BTBD9: variants seen among roughly 807,000 people sequenced by gnomAD.
BTBD9 encodes BTB domain containing 9.
In BTBD9, 49 loss-of-function variants were observed where a neutral mutation model predicts 64.3. The observed-to-expected ratio is 0.76, with a 90% CI of 0.61 to 0.97. The LOEUF is 0.97. Ranked by LOEUF, BTBD9 falls within the 50% of genes least tolerant of loss-of-function variation. The pLI, the probability that BTBD9 is intolerant of heterozygous loss-of-function variation, is 0.00. For synonymous variants in BTBD9, 260 were observed against 274.7 expected, an observed-to-expected ratio of 0.95 and a Z score of 0.53; for missense variants, 598 against 762.1, an observed-to-expected ratio of 0.78 and a Z score of 2.53.
chr6:38,328,738 G>A (rs573546948), intron 7 of BTBD9, among the ~76,000 whole-genome samples: 16 of 152,078 alleles, frequency 1.1e-4, no homozygotes, highest in African/African-American at 3.6e-4. Flanking sequence ...CCGAGGTCAC[G>A]AGATCGAGAA....
At position 38,220,229 on chromosome 6, in the gene BTBD9, C is replaced by G. The variant is rs143381269; in HGVS notation, c.1563-27632G>C. Among the ~76,000 whole-genome samples the G allele has an allele frequency of 2.6e-5, 4 of 152,346 alleles. No homozygotes were observed. The East Asian group carries it at 5.8e-4, about 22-fold the overall frequency. The stretch of plus-strand genomic sequence containing the variant: ...CCCCACCTTCCTCAGCACTGTGGGT[C>G]TGCAATACTGACGTTCACTAGTCCC... On this transcript the variant is annotated intron_variant, in intron 9 of 10. Coordinates refer to ENST00000481247, the MANE Select transcript of BTBD9 (RefSeq NM_001099272.2).
chr6:38,473,834 T>A (rs1296976884), intron 6 of BTBD9, among the ~76,000 whole-genome samples: 2 of 152,100 alleles, frequency 1.3e-5, no homozygotes, highest in Admixed American at 6.5e-5. Context: ...GTGATGGTAG[T>A]CAAAAAGGCT....
intron 6 of BTBD9, among the ~76,000 whole-genome samples, chr6:38,433,684 T>C (rs1221683496): frequency 1.3e-5 from 2 of 152,066 alleles, no homozygotes; most frequent in Non-Finnish European, 2.9e-5. Context: ...AACAGCCTTG[T>C]TGCTCACACA....
chr6:38,477,583 T>C (rs1002051693), intron 6 of BTBD9, among the ~76,000 whole-genome samples: 1 of 152,252 alleles, frequency 6.6e-6, no homozygotes. Context: ...AGACCTACTT[T>C]ATTGCCAATT....
chr6:38,434,126 T>C (rs75192190), intron 6 of BTBD9, among the ~76,000 whole-genome samples: 5,468 of 152,100 alleles, frequency 0.036, 237 homozygotes, highest in East Asian at 0.13. Flanking sequence ...CCAAGTTTCT[T>C]TGCCATATTC....
intron 7 of BTBD9, among the ~76,000 whole-genome samples, chr6:38,309,171 A>C (rs1582205814): frequency 6.6e-6 from 1 of 151,366 alleles, no homozygotes. Flanking sequence ...GGAGTTCGAG[A>C]CCAGCCTGGC....
At chr6:38,423,852 G>A (rs992118481) in intron 6 of BTBD9, among the ~76,000 whole-genome samples, 4 of 150,028 alleles carry the variant, frequency 2.7e-5, no homozygotes, top group Admixed American at 2.0e-4. Context: ...CAGTCTTGGT[G>A]GTCTAAGATG....
chr6:38,330,283 C>A (rs1420625092), intron 7 of BTBD9, among the ~76,000 whole-genome samples: 1 of 152,156 alleles, frequency 6.6e-6, no homozygotes, highest in Non-Finnish European at 1.5e-5. Flanking sequence ...GAACTCCTGA[C>A]CTCAGGTGAT....
At chr6:38,236,066 A>C (rs1170407852) in intron 9 of BTBD9, among the ~76,000 whole-genome samples, 1 of 152,196 alleles carries the variant, frequency 6.6e-6, no homozygotes, top group Non-Finnish European at 1.5e-5. Context: ...TTACAGCCAG[A>C]ACTCTTATTT....
intron 6 of BTBD9, among the ~76,000 whole-genome samples, chr6:38,360,050 T>C (rs1356270911): frequency 6.6e-6 from 1 of 152,102 alleles, no homozygotes; most frequent in Non-Finnish European, 1.5e-5. Flanking sequence ...AAGACAAATA[T>C]AATTGGATAA....
chr6:38,295,486 T>C (rs1183421766), intron 7 of BTBD9, among the ~76,000 whole-genome samples: 1 of 152,170 alleles, frequency 6.6e-6, no homozygotes, highest in Non-Finnish European at 1.5e-5. Flanking sequence ...TTCTTGTTTA[T>C]AAGTTCTTTC....
intron 10 of BTBD9, among the ~76,000 whole-genome samples, chr6:38,187,191 C>T (rs982195169): frequency 2.0e-5 from 3 of 152,280 alleles, no homozygotes; most frequent in East Asian, 1.9e-4. Flanking sequence ...ACTCCCTCGA[C>T]GTTTGTTAAC....
chr6:38,476,941 T>C (rs927371599), intron 6 of BTBD9, among the ~76,000 whole-genome samples: 3 of 152,246 alleles, frequency 2.0e-5, no homozygotes, highest in Non-Finnish European at 4.4e-5. Flanking sequence ...TTTTGTTAAC[T>C]GATTTTTAAA....
intron 7 of BTBD9, among the ~76,000 whole-genome samples, chr6:38,333,402 T>G (rs714930): frequency 6.6e-6 from 1 of 152,188 alleles, no homozygotes; most frequent in South Asian, 2.1e-4. Flanking sequence ...TTCACTCTTC[T>G]GGTAAAAACT....
At chr6:38,456,795 C>G (rs375659530) in intron 6 of BTBD9, among the ~76,000 whole-genome samples, 3 of 152,260 alleles carry the variant, frequency 2.0e-5, no homozygotes, top group East Asian at 3.9e-4. Flanking sequence ...ATACTTCCCC[C>G]CCAAACTAGT....
chr6:38,485,244 T>C (rs1277573067), intron 6 of BTBD9, among the ~76,000 whole-genome samples: 1 of 152,240 alleles, frequency 6.6e-6, no homozygotes, highest in African/African-American at 2.4e-5. Flanking sequence ...ATCTTCAGAC[T>C]ACACTTACTG....
At chr6:38,409,390 G>A (rs892651116) in intron 6 of BTBD9, among the ~76,000 whole-genome samples, 1 of 152,164 alleles carries the variant, frequency 6.6e-6, no homozygotes, top group African/African-American at 2.4e-5. Flanking sequence ...GTTTTGAAAT[G>A]GGAGAAAAGA....
At chr6:38,249,932 A>C (rs1764335584) in intron 9 of BTBD9, among the ~76,000 whole-genome samples, 1 of 152,198 alleles carries the variant, frequency 6.6e-6, no homozygotes, top group Non-Finnish European at 1.5e-5. Flanking sequence ...AATAAGCCCA[A>C]TTACAAAAGT....
chr6:38,438,576 T>C (rs1479118835), intron 6 of BTBD9, among the ~76,000 whole-genome samples: 1 of 152,224 alleles, frequency 6.6e-6, no homozygotes, highest in Non-Finnish European at 1.5e-5. Context: ...AAATAAACCT[T>C]TCCGTCATTT....
Sources: gnomAD v4.1 joint callset for allele counts (sites outside exome capture counted in the v4.1 genomes callset) on GRCh38, gnomAD v4.1.1 for gene constraint, MANE v1.5 for transcripts, NCBI Gene and HGNC (gene_info 2026-07-23, HGNC 2026-07-21) for gene names.